Variants in NRXN1 observed in about 807,000 individuals in gnomAD.
NRXN1 encodes neurexin 1, also known as neurexin-1.
Under a neutral mutation model 150.9 loss-of-function variants are expected in NRXN1, and 39 were observed. The ratio of observed to expected loss-of-function variants is 0.26; its 90% CI spans 0.20 to 0.34. The LOEUF (loss-of-function observed/expected upper bound fraction) is 0.34. Among genes scored for constraint, NRXN1 ranks in the 10% least tolerant of loss-of-function variants. The pLI is 1.00. For missense variants in NRXN1, 1,815 were observed against 1,949.9 expected (o/e 0.93, Z 1.30); for synonymous variants, 924 against 757.0 (o/e 1.22, Z -3.62).
intron 22 of NRXN1, among the ~76,000 whole-genome samples, chr2:49,937,744 C>T (rs1042380655): frequency 6.6e-6 from 1 of 152,160 alleles, no homozygotes; most frequent in African/African-American, 2.4e-5. Flanking sequence ...CAAAATCCTC[C>T]ATTTTGACAG....
intron 17 of NRXN1, among the ~76,000 whole-genome samples, chr2:50,328,879 G>T (rs1321497408): frequency 6.6e-6 from 1 of 152,126 alleles, no homozygotes; most frequent in African/African-American, 2.4e-5. Flanking sequence ...ACCCAGAACT[G>T]CTTGGTCAAC....
intron 21 of NRXN1, among the ~76,000 whole-genome samples, chr2:49,964,573 C>T (rs987327764): frequency 1.4e-5 from 2 of 146,612 alleles, no homozygotes; most frequent in Middle Eastern, 3.8e-3. Context: ...GGCCTGGTGG[C>T]TCACATCTGT....
In NRXN1 at chr2:50,213,876, C is replaced by T. The variant is rs539993449; in HGVS notation, c.3546+22913G>A. On this transcript the variant is annotated intron_variant, in intron 18 of 22. Coordinates refer to ENST00000401669, the MANE Select transcript of NRXN1 (RefSeq NM_001330078.2). ...AGCACTCCACAAACCCCAGCAGAGT[C>T]ACCACTGCAGCTAAGAGGAATTCAC... 5.9e-5 allele frequency among the ~76,000 whole-genome samples: 9 copies of T among 152,006 alleles called. No individual in the cohort carries two copies. In the East Asian group the frequency reaches 1.6e-3, roughly 26 times the overall value.
intron 8 of NRXN1, among the ~76,000 whole-genome samples, chr2:50,570,764 C>T (rs951988951): frequency 6.6e-6 from 1 of 151,982 alleles, no homozygotes; most frequent in African/African-American, 2.4e-5. Flanking sequence ...CATAGCAATG[C>T]TCATATAATC....
chr2:50,312,728 G>C (rs1451067195), intron 17 of NRXN1: 1 of 516,334 alleles, frequency 1.9e-6, no homozygotes, highest in East Asian at 5.5e-5. Flanking sequence ...TATCAGATTT[G>C]TGTCATAGGT....
intron 18 of NRXN1, among the ~76,000 whole-genome samples, chr2:50,190,669 AT>A (rs1372129764): frequency 1.4e-5 from 2 of 148,046 alleles, no homozygotes; most frequent in Non-Finnish European, 3.0e-5. Flanking sequence ...CTGGAGTGCA[AT>A]GGCGTGATCT....
intron 8 of NRXN1, among the ~76,000 whole-genome samples, chr2:50,565,989 T>C (rs1669785597): frequency 6.6e-6 from 1 of 152,138 alleles, no homozygotes; most frequent in African/African-American, 2.4e-5. Flanking sequence ...GGATATTCTT[T>C]AGTATCATTT....
At chr2:50,068,898 G>A (rs1026402720) in intron 19 of NRXN1, among the ~76,000 whole-genome samples, 3 of 152,124 alleles carry the variant, frequency 2.0e-5, no homozygotes, top group Admixed American at 6.5e-5. Context: ...TATCCCGAAC[G>A]TAGGTGCTTT....
At chr2:50,411,237 G>A (rs2083141535) in intron 17 of NRXN1, among the ~76,000 whole-genome samples, 2 of 152,112 alleles carry the variant, frequency 1.3e-5, no homozygotes, top group African/African-American at 2.4e-5. Flanking sequence ...CGTGTTGGCC[G>A]GGCTGGTCTC....
chr2:50,610,281 A>G (rs1363538108), intron 8 of NRXN1, among the ~76,000 whole-genome samples: 3 of 151,948 alleles, frequency 2.0e-5, no homozygotes, highest in African/African-American at 7.2e-5. Context: ...TTTCTTAGCA[A>G]TGTGTTTTCT....
intron 18 of NRXN1, among the ~76,000 whole-genome samples, chr2:50,149,707 C>T (rs2058585842): frequency 6.6e-6 from 1 of 151,604 alleles, no homozygotes; most frequent in Admixed American, 6.6e-5. Flanking sequence ...TTTATATATA[C>T]ATAGATTTAT....
chr2:50,672,259 T>C (rs1323305120), intron 5 of NRXN1, among the ~76,000 whole-genome samples: 1 of 151,658 alleles, frequency 6.6e-6, no homozygotes, highest in African/African-American at 2.4e-5. Context: ...GCTATACCAA[T>C]GTTAAAAAAA....
At chr2:50,029,146 T>C (rs1688811005) in intron 21 of NRXN1, among the ~76,000 whole-genome samples, 1 of 152,198 alleles carries the variant, frequency 6.6e-6, no homozygotes, top group African/African-American at 2.4e-5. Flanking sequence ...ACCAGAGTTC[T>C]TCCTTTTCAC....
At chr2:50,255,151 CA>C (rs143342471) in intron 17 of NRXN1, among the ~76,000 whole-genome samples, 2 of 151,534 alleles carry the variant, frequency 1.3e-5, no homozygotes, top group African/African-American at 2.4e-5. Context: ...AACAAACAAA[CA>C]AAAAAAACTG....
intron 17 of NRXN1, among the ~76,000 whole-genome samples, chr2:50,367,660 T>C (rs2079686728): frequency 6.6e-6 from 1 of 151,946 alleles, no homozygotes; most frequent in Non-Finnish European, 1.5e-5. Context: ...ATATCTACCT[T>C]CTGACATGCA....
At chr2:50,026,854 CTTTTCTTTTTTTTTTTTTTTT>C (rs1238563982) in intron 21 of NRXN1, among the ~76,000 whole-genome samples, 8 of 49,132 alleles carry the variant, frequency 1.6e-4, no homozygotes, top group Non-Finnish European at 1.5e-4. Flanking sequence ...TAAGTCTTTT[CTTTTCTTTTTTTTTTTTTTTT>C]TTTTTTTTTT....
At chr2:50,808,593 G>A (rs141774516) in intron 5 of NRXN1, among the ~76,000 whole-genome samples, 25 of 152,130 alleles carry the variant, frequency 1.6e-4, no homozygotes, top group African/African-American at 6.0e-4. Flanking sequence ...TTGTGTTCAA[G>A]GAAACCCAAA....
intron 17 of NRXN1, among the ~76,000 whole-genome samples, chr2:50,382,087 G>T (rs369366830): frequency 6.6e-5 from 10 of 151,522 alleles, no homozygotes; most frequent in African/African-American, 2.2e-4. Context: ...CCAGAACTAG[G>T]AGAACTAGTT....
At chr2:50,921,815 G>C in intron 5 of NRXN1, 54 bp downstream of exon 5, 1 of 899,084 alleles carries the variant, frequency 1.1e-6, no homozygotes, top group East Asian at 2.9e-5. Context: ...ATGTAACTCA[G>C]ACACACTGTA....
Sources: allele counts gnomAD v4.1 joint callset (sites outside exome capture counted in the v4.1 genomes callset), GRCh38; gene constraint gnomAD v4.1.1; transcripts MANE v1.5; gene names NCBI Gene and HGNC (gene_info 2026-07-23, HGNC 2026-07-21).